LRRC28: variants seen among roughly 807,000 people sequenced by gnomAD.
LRRC28 encodes leucine-rich repeat-containing protein 28.
A neutral mutation model predicts 45.7 loss-of-function variants in LRRC28; 39 were observed. That is an observed-to-expected ratio of 0.85 (90% CI 0.66 to 1.12). The LOEUF (loss-of-function observed/expected upper bound fraction) is 1.12, where lower values mean the gene tolerates loss of function less well. Among genes scored for constraint, LRRC28 ranks in the 50% most tolerant of loss-of-function variants. The probability of loss-of-function intolerance (pLI) is 0.00; values close to 1 mark genes in which losing one functional copy is unlikely to be tolerated. For missense variants in LRRC28, 435 were observed against 438.5 expected (o/e 0.99, Z 0.07); for synonymous variants, 206 against 178.8 (o/e 1.15, Z -1.22).
In LRRC28 at chr15:99,386,191, T is replaced by C; in HGVS notation, c.*89T>C. The C allele has an allele frequency of 2.0e-6, 2 of 1,023,850 alleles. No individual in the cohort carries two copies. Among genetic ancestry groups the C allele is most frequent in the Non-Finnish European group, 3.1e-6 (2 of 646,700 alleles). 63.4% of individuals were successfully genotyped at this position (1,023,850 alleles called of 1,614,324 possible). A position where few individuals can be genotyped will look rare whatever the true frequency, so the allele number is the denominator to read the frequency against. On this transcript the variant is annotated 3_prime_UTR_variant, in exon 10 of 10. Transcript: ENST00000301981. ...CACTCTTCCATCCTGTCCTGTCCAA[T>C]GCGGGGGCACTGCAGAACTCTCTAG...
chr15:99,381,764 C>T (rs1342285809), intron 9 of LRRC28, among the ~76,000 whole-genome samples: 1 of 152,256 alleles, frequency 6.6e-6, no homozygotes, highest in Non-Finnish European at 1.5e-5. Flanking sequence ...GGACCCTTAG[C>T]TGCCAGTCTG....
At chr15:99,263,857 AGCT>A (rs142466012) in intron 2 of LRRC28, among the ~76,000 whole-genome samples, 13,973 of 152,246 alleles carry the variant, frequency 0.092, 693 homozygotes, top group African/African-American at 0.13. Flanking sequence ...ATCATGGAAC[AGCT>A]GCTGCTTCTT....
At chr15:99,281,805 T>C (rs1408790991) in intron 3 of LRRC28, among the ~76,000 whole-genome samples, 3 of 152,228 alleles carry the variant, frequency 2.0e-5, no homozygotes, top group African/African-American at 7.2e-5. Flanking sequence ...TACTAAAGCA[T>C]GAGCTTTCCA....
At position 99,388,459 on chromosome 15, in the gene LRRC28, T is replaced by C. The variant is rs1273453689; in HGVS notation, c.*2357T>C. 2 of 152,250 alleles carry C rather than the reference T, an allele frequency of 1.3e-5. No individual in the cohort carries two copies. Among genetic ancestry groups the C allele is most frequent in the Non-Finnish European group, 2.9e-5 (2 of 68,052 alleles). The allele number at this position is 152,250 out of a possible 1,614,324, so 9.4% of individuals were successfully genotyped here. On this transcript the variant is annotated 3_prime_UTR_variant, in exon 10 of 10. Coordinates refer to ENST00000301981, the MANE Select transcript of LRRC28 (RefSeq NM_144598.5). ...AGCAGTGGGCTGGGCAGACAACCTTTGGGCAGTCTCAACCTTAATCCTTGG... is the reference window on the plus strand; with the variant it reads ...AGCAGTGGGCTGGGCAGACAACCTTCGGGCAGTCTCAACCTTAATCCTTGG...
intron 2 of LRRC28, chr15:99,257,906 A>T (rs2081072242): frequency 3.9e-6 from 3 of 769,582 alleles, no homozygotes; most frequent in Admixed American, 1.8e-5. Flanking sequence ...TCATCAATTC[A>T]TTGTATGAAA....
intron 5 of LRRC28, among the ~76,000 whole-genome samples, chr15:99,323,534 A>G (rs1955872074): frequency 6.6e-6 from 1 of 152,134 alleles, no homozygotes; most frequent in Non-Finnish European, 1.5e-5. Context: ...GTGAATCTGA[A>G]TTGCTTTTAA....
chr15:99,268,043 T>C (rs1343841473), intron 2 of LRRC28, among the ~76,000 whole-genome samples: 1 of 152,200 alleles, frequency 6.6e-6, no homozygotes, highest in Non-Finnish European at 1.5e-5. Flanking sequence ...CACTTTTCAG[T>C]GCAAAAATAA....
At chr15:99,363,320 G>T in intron 9 of LRRC28, 55 bp downstream of exon 9, 1 of 1,591,838 alleles carries the variant, frequency 6.3e-7, no homozygotes, top group South Asian at 1.1e-5. Flanking sequence ...GGTGGCAGGT[G>T]GGGAGGGGAG....
chr15:99,349,065 T>C (rs1956787779), intron 6 of LRRC28, among the ~76,000 whole-genome samples: 1 of 152,184 alleles, frequency 6.6e-6, no homozygotes, highest in South Asian at 2.1e-4. Context: ...CTTGATTTCT[T>C]TCTTTGGTAG....
intron 5 of LRRC28, among the ~76,000 whole-genome samples, chr15:99,301,578 T>C (rs1361672650): frequency 6.6e-6 from 1 of 152,220 alleles, no homozygotes; most frequent in Non-Finnish European, 1.5e-5. Flanking sequence ...TCCATTTTCT[T>C]ATCCAATGTG....
intron 6 of LRRC28, among the ~76,000 whole-genome samples, chr15:99,339,714 G>GAAA (rs552093424): frequency 1.5e-5 from 2 of 134,154 alleles, no homozygotes; most frequent in African/African-American, 5.3e-5. Flanking sequence ...AACAGAGTGA[G>GAAA]AAAAAAAAAA....
chr15:99,292,205 A>G (rs12591897), intron 5 of LRRC28, among the ~76,000 whole-genome samples: 14,716 of 152,084 alleles, frequency 0.097, 1,010 homozygotes, highest in East Asian at 0.33. Flanking sequence ...GTTACTGCCT[A>G]TCCTCCAGGT....
chr15:99,300,292 T>C (rs2082363164), intron 5 of LRRC28, among the ~76,000 whole-genome samples: 1 of 152,016 alleles, frequency 6.6e-6, no homozygotes, highest in South Asian at 2.1e-4. Flanking sequence ...CTGAAAGATA[T>C]ATATGGATGT....
chr15:99,299,921 A>G (rs970592711), intron 5 of LRRC28, among the ~76,000 whole-genome samples: 47 of 152,326 alleles, frequency 3.1e-4, no homozygotes, highest in African/African-American at 9.9e-4. Flanking sequence ...GTATCTTTAT[A>G]TGCTTATAAC....
In LRRC28 at chr15:99,352,541, C is replaced by G. The variant is rs114751153; in HGVS notation, c.695+70C>G. 183 of 1,309,850 alleles carry G rather than the reference C, an allele frequency of 1.4e-4. 1 individual carries two copies. The African/African-American group carries it at 2.5e-3, about 18-fold the overall frequency. The allele number at this position is 1,309,850 out of a possible 1,614,324, so 81.1% of individuals were successfully genotyped here. A position where few individuals can be genotyped will look rare whatever the true frequency, so the allele number is the denominator to read the frequency against. Reference sequence around the variant, plus strand: ...TTTTGGTACTTCTGTTCAATTTTGTCTTTGCCCTTGATGATATGCTAAACC... The same window carrying G: ...TTTTGGTACTTCTGTTCAATTTTGTGTTTGCCCTTGATGATATGCTAAACC... On this transcript the variant is annotated intron_variant, in intron 7 of 9. Transcript: ENST00000301981.
intron 9 of LRRC28, among the ~76,000 whole-genome samples, chr15:99,372,000 A>G (rs1957496663): frequency 6.6e-6 from 1 of 152,226 alleles, no homozygotes; most frequent in Admixed American, 6.5e-5. Context: ...GACAGTCACT[A>G]CTAACATAAA....
At position 99,386,052 on chromosome 15, in the gene LRRC28, G is replaced by A; in HGVS notation, c.1054G>A (p.Ala352Thr). ...CAGGAAGACAACTGTTAGTTTTGTG[G>A]CTTACTGCTGCTCCACCCAGTGTCT... ...HQWKTTVSFV[A>T]YCCSTQCLQT... Residue 352 changes from alanine (A) to threonine (T), a missense_variant, in exon 10 of 10, where the codon GCT becomes ACT. Transcript: ENST00000301981. 1 of 1,613,992 alleles carries A rather than the reference G, an allele frequency of 6.2e-7. No homozygotes were observed. Among genetic ancestry groups the A allele is most frequent in the Non-Finnish European group, 8.5e-7 (1 of 1,180,000 alleles).
chr15:99,312,106 C>T (rs1955435370), intron 5 of LRRC28, among the ~76,000 whole-genome samples: 1 of 152,134 alleles, frequency 6.6e-6, no homozygotes, highest in Non-Finnish European at 1.5e-5. Flanking sequence ...TACAGTCACG[C>T]ACTGCTTAAT....
chr15:99,269,657 C>T (rs1350960164), intron 2 of LRRC28, among the ~76,000 whole-genome samples: 2 of 152,206 alleles, frequency 1.3e-5, no homozygotes, highest in African/African-American at 2.4e-5. Context: ...CCTCCCTCAG[C>T]CTCCCAAAGT....
Sources: gnomAD v4.1 joint callset for allele counts (sites outside exome capture counted in the v4.1 genomes callset) on GRCh38, gnomAD v4.1.1 for gene constraint, MANE v1.5 for transcripts, NCBI Gene and HGNC (gene_info 2026-07-23, HGNC 2026-07-21) for gene names.